AP3B1: variants seen among roughly 807,000 people sequenced by gnomAD.
AP3B1 encodes adaptor related protein complex 3 subunit beta 1.
Under a neutral mutation model 132.5 loss-of-function variants are expected in AP3B1, and 61 were observed. That is an observed-to-expected ratio of 0.46 (90% CI 0.37 to 0.57). The LOEUF (loss-of-function observed/expected upper bound fraction) is 0.57, where lower values mean the gene tolerates loss of function less well. AP3B1 is among the 20% of genes least tolerant of loss of function. AP3B1 has a pLI of 0.00. For missense variants in AP3B1, 1,120 were observed against 1,289.4 expected (o/e 0.87, Z 2.01); for synonymous variants, 388 against 438.3 (o/e 0.89, Z 1.43).
chr5:78,104,582 G>C (rs1361496160), intron 20 of AP3B1, among the ~76,000 whole-genome samples: 1 of 152,028 alleles, frequency 6.6e-6, no homozygotes. Flanking sequence ...AAAAATAGTT[G>C]TAAAAACATA....
chr5:78,015,931 A>AT (rs1205515401), intron 25 of AP3B1: 6 of 216,628 alleles, frequency 2.8e-5, no homozygotes, highest in Admixed American at 5.5e-5. Flanking sequence ...TACTATTGCT[A>AT]TTTTTTTCTA....
rs760358065 is a variant in AP3B1 at position 78,181,483 on chromosome 5, T to C, written c.942+24A>G. On this transcript the variant is annotated intron_variant, in intron 8 of 26. Transcript: ENST00000255194. ...CTGTTTTTTAAAAACCAGTGAATTA[T>C]TTCTTATAAGGATTTTAACATACCG... 3 of 1,607,006 alleles carry C rather than the reference T, an allele frequency of 1.9e-6. No homozygotes were observed. In the Admixed American group the frequency reaches 5.0e-5, roughly 27 times the overall value.
chr5:78,018,695 C>CACACACAT (rs1409804722), intron 25 of AP3B1, among the ~76,000 whole-genome samples: 2 of 151,836 alleles, frequency 1.3e-5, no homozygotes, highest in African/African-American at 4.8e-5. Context: ...CACACACACA[C>CACACACAT]ACACACCCCT....
intron 1 of AP3B1, among the ~76,000 whole-genome samples, chr5:78,284,374 G>GGTTATTCTATTAT (rs1458958781): frequency 6.6e-6 from 1 of 152,158 alleles, no homozygotes; most frequent in East Asian, 1.9e-4. Context: ...TATTTATGTA[G>GGTTATTCTATTAT]GTAGTAATTA....
At chr5:78,220,890 T>A (rs554037729) in intron 6 of AP3B1, among the ~76,000 whole-genome samples, 73 of 151,914 alleles carry the variant, frequency 4.8e-4, no homozygotes, top group Middle Eastern at 3.4e-3. Flanking sequence ...TTACAAAAAA[T>A]TTTTTTTAAT....
chr5:78,150,631 C>T (rs1011476239), intron 14 of AP3B1, among the ~76,000 whole-genome samples: 3 of 152,186 alleles, frequency 2.0e-5, no homozygotes, highest in African/African-American at 7.2e-5. Context: ...ATTAACTAAG[C>T]TAATACCTAT....
chr5:78,106,213 T>G (rs1751327666), intron 20 of AP3B1, among the ~76,000 whole-genome samples: 1 of 152,130 alleles, frequency 6.6e-6, no homozygotes, highest in Non-Finnish European at 1.5e-5. Context: ...ATCCCAGCAC[T>G]TTGGGAGGCT....
intron 24 of AP3B1, among the ~76,000 whole-genome samples, chr5:78,025,874 A>T (rs1164095060): frequency 6.6e-6 from 1 of 152,140 alleles, no homozygotes; most frequent in African/African-American, 2.4e-5. Flanking sequence ...CCAGTACATA[A>T]CTCACTTTGT....
At chr5:78,203,980 G>C (rs1221344405) in intron 7 of AP3B1, among the ~76,000 whole-genome samples, 1 of 152,112 alleles carries the variant, frequency 6.6e-6, no homozygotes, top group Non-Finnish European at 1.5e-5. Flanking sequence ...TCTACTTGGA[G>C]AGTCATTGTT....
At chr5:78,064,823 A>C (rs1235601110) in intron 22 of AP3B1, among the ~76,000 whole-genome samples, 2 of 152,206 alleles carry the variant, frequency 1.3e-5, no homozygotes, top group Non-Finnish European at 2.9e-5. Context: ...AGGAATGTGT[A>C]AGTAGCACAA....
intron 22 of AP3B1, among the ~76,000 whole-genome samples, chr5:78,067,437 G>C (rs891885387): frequency 6.6e-6 from 1 of 152,176 alleles, no homozygotes; most frequent in Non-Finnish European, 1.5e-5. Flanking sequence ...GATATCTACA[G>C]AACTCTCCAC....
chr5:78,027,704 A>T (rs1268578570), intron 24 of AP3B1, among the ~76,000 whole-genome samples: 1 of 152,288 alleles, frequency 6.6e-6, no homozygotes, highest in South Asian at 2.1e-4. Context: ...ATTTAATTAT[A>T]TCTTCCTTTA....
chr5:78,119,462 T>C (rs374719451), intron 17 of AP3B1, among the ~76,000 whole-genome samples: 2 of 152,214 alleles, frequency 1.3e-5, no homozygotes, highest in East Asian at 3.9e-4. Flanking sequence ...GACGAATGGA[T>C]ACCTAGAATA....
chr5:78,127,049 G>C (rs1752492545), intron 17 of AP3B1, among the ~76,000 whole-genome samples: 1 of 152,146 alleles, frequency 6.6e-6, no homozygotes, highest in Non-Finnish European at 1.5e-5. Flanking sequence ...TTCAAAGCCA[G>C]GATAAGTTGG....
chr5:78,133,722 T>G (rs766199020), intron 15 of AP3B1, among the ~76,000 whole-genome samples: 6 of 152,216 alleles, frequency 3.9e-5, no homozygotes, highest in Non-Finnish European at 7.3e-5. Flanking sequence ...GCAATGACAG[T>G]ATAATGTATT....
At chr5:78,151,502 T>C (rs1390462382) in intron 14 of AP3B1, among the ~76,000 whole-genome samples, 1 of 152,154 alleles carries the variant, frequency 6.6e-6, no homozygotes, top group African/African-American at 2.4e-5. Context: ...CTGTCACATA[T>C]GGCTTTTATT....
intron 17 of AP3B1, among the ~76,000 whole-genome samples, chr5:78,127,815 T>C (rs1190063739): frequency 6.6e-6 from 1 of 152,280 alleles, no homozygotes; most frequent in East Asian, 1.9e-4. Context: ...CAGTTCTCTA[T>C]TTCCTTGAAG....
intron 7 of AP3B1, among the ~76,000 whole-genome samples, chr5:78,199,093 T>C (rs1212878664): frequency 6.6e-6 from 1 of 152,124 alleles, no homozygotes; most frequent in Non-Finnish European, 1.5e-5. Context: ...GAACACTGAA[T>C]CTCCCCCAAT....
chr5:78,097,120 C>A (rs1253189050), intron 21 of AP3B1, among the ~76,000 whole-genome samples: 1 of 125,652 alleles, frequency 8.0e-6, no homozygotes, highest in East Asian at 2.4e-4. Flanking sequence ...AGGGGGTCAG[C>A]CCCCCACCCG....
Sources: gnomAD v4.1 joint callset for allele counts (sites outside exome capture counted in the v4.1 genomes callset) on GRCh38, gnomAD v4.1.1 for gene constraint, MANE v1.5 for transcripts, NCBI Gene and HGNC (gene_info 2026-07-23, HGNC 2026-07-21) for gene names.